DOCK2: variants seen among roughly 807,000 people sequenced by gnomAD.
The protein encoded by DOCK2 is dedicator of cytokinesis 2, also known as dedicator of cytokinesis protein 2.
In DOCK2, 87 loss-of-function variants were observed where a neutral mutation model predicts 248.9. The observed-to-expected ratio is 0.35, with a 90% CI of 0.29 to 0.42. The LOEUF (loss-of-function observed/expected upper bound fraction) is 0.42. Ranked by LOEUF, DOCK2 falls within the 10% of genes least tolerant of loss-of-function variation. The pLI, the probability that DOCK2 is intolerant of heterozygous loss-of-function variation, is 1.00. For synonymous variants in DOCK2, 805 were observed against 821.6 expected (o/e 0.98, Z 0.35); for missense variants, 1,747 against 2,300.2 (o/e 0.76, Z 4.92).
intron 46 of DOCK2, among the ~76,000 whole-genome samples, chr5:170,070,533 C>A (rs1045216951): frequency 1.3e-5 from 2 of 152,188 alleles, no homozygotes; most frequent in African/African-American, 4.8e-5. Context: ...AAATATCCCC[C>A]AGGTCCCCAG....
chr5:170,058,219 G>GGAAC (rs1757205241), intron 44 of DOCK2, among the ~76,000 whole-genome samples: 1 of 152,136 alleles, frequency 6.6e-6, no homozygotes, highest in Non-Finnish European at 1.5e-5. Context: ...AAGATACAGA[G>GGAAC]GAATGGTCAG....
rs781762571 is a variant in DOCK2, at chr5:170,083,191, A to G, written c.*333A>G. ...TTCTTAGGTGTAAGAAACTGTTTTT[A>G]TCTCATTTATTAAGTCTCAGAACTT... On this transcript the variant is annotated 3_prime_UTR_variant, in exon 52 of 52. Coordinates refer to ENST00000520908, the MANE Select transcript of DOCK2 (RefSeq NM_004946.3). 4.2e-6 allele frequency: 1 copy of G among 240,532 alleles called. No individual in the cohort carries two copies. The highest frequency in any genetic ancestry group is 8.0e-6 in the Non-Finnish European group (1 of 125,300). 14.9% of individuals were successfully genotyped at this position (240,532 alleles called of 1,614,324 possible). A position where few individuals can be genotyped will look rare whatever the true frequency, so the allele number is the denominator to read the frequency against.
chr5:169,780,059 A>G (rs746708899), intron 25 of DOCK2, among the ~76,000 whole-genome samples: 1 of 152,040 alleles, frequency 6.6e-6, no homozygotes, highest in Non-Finnish European at 1.5e-5. Flanking sequence ...CTTCTAATCT[A>G]CTTTGGGGGT....
chr5:169,751,735 C>T (rs568481629), intron 23 of DOCK2, among the ~76,000 whole-genome samples: 9 of 152,072 alleles, frequency 5.9e-5, no homozygotes, highest in South Asian at 2.1e-4. Context: ...ACCAAGACCA[C>T]GGAGAATTGA....
At chr5:169,703,212 C>A (rs1247171280) in intron 14 of DOCK2, among the ~76,000 whole-genome samples, 1 of 152,000 alleles carries the variant, frequency 6.6e-6, no homozygotes, top group Admixed American at 6.6e-5. Flanking sequence ...GATCAAATAG[C>A]CAAGCAGGGC....
At chr5:169,924,568 A>C (rs187880477) in intron 27 of DOCK2, among the ~76,000 whole-genome samples, 5 of 152,276 alleles carry the variant, frequency 3.3e-5, no homozygotes, top group Non-Finnish European at 1.5e-5. Flanking sequence ...CTCTCACTGA[A>C]CACCCATCTC....
At chr5:170,078,155 G>T (rs567179197) in intron 48 of DOCK2, among the ~76,000 whole-genome samples, 5 of 152,108 alleles carry the variant, frequency 3.3e-5, no homozygotes, top group Non-Finnish European at 7.4e-5. Flanking sequence ...CATCCTTCTG[G>T]AATATTGTCA....
At chr5:169,679,656 G>T (rs1759542046) in intron 6 of DOCK2, among the ~76,000 whole-genome samples, 1 of 152,232 alleles carries the variant, frequency 6.6e-6, no homozygotes, top group Non-Finnish European at 1.5e-5. Flanking sequence ...AAGGTCAGGA[G>T]AGCCTCTGCT....
At chr5:169,674,025 A>G (rs1190687559) in intron 5 of DOCK2, among the ~76,000 whole-genome samples, 1 of 152,240 alleles carries the variant, frequency 6.6e-6, no homozygotes, top group Non-Finnish European at 1.5e-5. Context: ...TGTTCAATAA[A>G]TATCTTTTTA....
At position 170,040,698 on chromosome 5, in the gene DOCK2, G is replaced by A. The variant is rs1199400584; in HGVS notation, c.3666-357G>A. On this transcript the variant is annotated intron_variant, in intron 36 of 51. Coordinates refer to ENST00000520908, the MANE Select transcript of DOCK2 (RefSeq NM_004946.3). ...CTTTATTTCTCTTGCTTGTCATATT[G>A]CATTGGCCAGACCATTCATTATCAA... 4 of 211,994 alleles carry A rather than the reference G, an allele frequency of 1.9e-5. No homozygotes were observed. In the East Asian group the frequency reaches 3.8e-4, roughly 20 times the overall value. The allele number at this position is 211,994 out of a possible 1,614,324, so 13.1% of individuals were successfully genotyped here.
At chr5:169,675,390 G>T (rs948488969) in intron 6 of DOCK2, among the ~76,000 whole-genome samples, 1 of 152,160 alleles carries the variant, frequency 6.6e-6, no homozygotes, top group Non-Finnish European at 1.5e-5. Context: ...CATGTATTGA[G>T]GACTTATAGT....
rs964559968 is a variant in DOCK2 at position 170,008,864 on chromosome 5, T to C, written c.3232+118T>C. ...GTGGGAGCATGAAATAACAGTTCAT[T>C]ACTGTGTGTACCCCAGTTCCTAATA... is the stretch of plus-strand genomic sequence containing the variant. On this transcript the variant is annotated intron_variant, in intron 32 of 51. Transcript: ENST00000520908. 2.2e-5 allele frequency: 26 copies of C among 1,206,984 alleles called. No homozygotes were observed. In the African/African-American group the frequency reaches 3.9e-4, roughly 18 times the overall value. 74.8% of individuals were successfully genotyped at this position (1,206,984 alleles called of 1,614,324 possible). A position where few individuals can be genotyped will look rare whatever the true frequency, so the allele number is the denominator to read the frequency against.
intron 39 of DOCK2, 126 bp downstream of exon 39, chr5:170,046,031 A>T: frequency 1.2e-6 from 1 of 826,466 alleles, no homozygotes; most frequent in Admixed American, 2.0e-5. Context: ...AATGAACGGA[A>T]GTAGGACCTG....
intron 6 of DOCK2, among the ~76,000 whole-genome samples, chr5:169,676,933 C>T (rs12332534): frequency 3.9e-4 from 59 of 152,266 alleles, no homozygotes; most frequent in African/African-American, 1.3e-3. Flanking sequence ...ACTTCTGAAG[C>T]GCTCACTGTA....
intron 26 of DOCK2, among the ~76,000 whole-genome samples, chr5:169,810,334 G>C (rs1032419905): frequency 6.6e-6 from 1 of 152,156 alleles, no homozygotes; most frequent in Admixed American, 6.5e-5. Flanking sequence ...TCATTGGTCT[G>C]TGCAAGATCC....
chr5:169,807,251 CA>C (rs1462042152), intron 26 of DOCK2, among the ~76,000 whole-genome samples: 1 of 152,134 alleles, frequency 6.6e-6, no homozygotes, highest in Non-Finnish European at 1.5e-5. Context: ...AGGTGTTGAG[CA>C]GGTCTCAAAC....
intron 27 of DOCK2, among the ~76,000 whole-genome samples, chr5:169,923,060 T>C (rs1561826695): frequency 6.6e-6 from 1 of 152,194 alleles, no homozygotes; most frequent in African/African-American, 2.4e-5. Context: ...GCTAAATAAT[T>C]CCCTGGGGGA....
At position 169,849,890 on chromosome 5, in the gene DOCK2, C is replaced by T. The variant is rs571804445; in HGVS notation, c.2799+9038C>T. Among the ~76,000 whole-genome samples, 137 of 152,320 alleles carry T rather than the reference C, an allele frequency of 9.0e-4. 1 individual carries two copies. The highest frequency in any genetic ancestry group is 1.6e-3 in the Non-Finnish European group (111 of 68,036). ...TGAGTCTAGCCACAACCACCTCTTA[C>T]GGTTGTCCTTGGCCTGCAGGACAGT... On this transcript the variant is annotated intron_variant, in intron 27 of 51. Coordinates refer to ENST00000520908, the MANE Select transcript of DOCK2 (RefSeq NM_004946.3).
intron 6 of DOCK2, 148 bp from the exon 7 acceptor site, chr5:169,681,596 C>T (rs909777211): frequency 7.6e-6 from 7 of 921,792 alleles, no homozygotes; most frequent in Non-Finnish European, 1.1e-5. Context: ...TATGTGCTCA[C>T]TAGCAGTGTC....
Sources: allele counts gnomAD v4.1 joint callset (sites outside exome capture counted in the v4.1 genomes callset), GRCh38; gene constraint gnomAD v4.1.1; transcripts MANE v1.5; gene names NCBI Gene and HGNC (gene_info 2026-07-23, HGNC 2026-07-21).